The following HPSE2 variants were observed in gnomAD, a reference collection of about 807,000 sequenced individuals.
HPSE2 encodes inactive heparanase-2.
In HPSE2, 38 loss-of-function variants were observed where a neutral mutation model predicts 60.5. The ratio of observed to expected loss-of-function variants is 0.63; its 90% CI spans 0.48 to 0.82. The LOEUF (loss-of-function observed/expected upper bound fraction) is 0.82, where lower values mean the gene tolerates loss of function less well. Ranked by LOEUF, HPSE2 falls within the 40% of genes least tolerant of loss-of-function variation. The probability of loss-of-function intolerance (pLI) is 0.00; values close to 1 mark genes in which losing one functional copy is unlikely to be tolerated. For synonymous variants in HPSE2, 295 were observed against 293.2 expected (o/e 1.01, Z -0.06); for missense variants, 713 against 740.4 (o/e 0.96, Z 0.43).
chr10:98,697,993 G>A (rs1184685109), intron 5 of HPSE2, among the ~76,000 whole-genome samples: 1 of 148,746 alleles, frequency 6.7e-6, no homozygotes, highest in Non-Finnish European at 1.5e-5. Context: ...CATAAAGCAA[G>A]TCCTGAGTGA....
chr10:99,272,763 TA>T, the HPSE2 span, among the ~76,000 whole-genome samples: 2 of 151,364 alleles, frequency 1.3e-5, no homozygotes, highest in African/African-American at 4.9e-5. Flanking sequence ...TAAAAAAAAA[TA>T]AAAAAATAAT....
chr10:99,022,871 G>A (rs1957293955), intron 3 of HPSE2, among the ~76,000 whole-genome samples: 1 of 152,158 alleles, frequency 6.6e-6, no homozygotes, highest in African/African-American at 2.4e-5. Context: ...CAAGGGCCTT[G>A]GGTGAGCCTC....
At chr10:98,951,596 C>T (rs1313427576) in intron 3 of HPSE2, among the ~76,000 whole-genome samples, 4 of 152,132 alleles carry the variant, frequency 2.6e-5, no homozygotes, top group Non-Finnish European at 5.9e-5. Context: ...AGATAAACTA[C>T]GTGTGCAGGA....
chr10:99,138,139 A>G (rs573729196), intron 3 of HPSE2, among the ~76,000 whole-genome samples: 1 of 152,356 alleles, frequency 6.6e-6, no homozygotes, highest in African/African-American at 2.4e-5. Context: ...CATATGAAAA[A>G]ATGCTCATCA....
chr10:99,028,635 C>A (rs1244028949), intron 3 of HPSE2, among the ~76,000 whole-genome samples: 1 of 152,020 alleles, frequency 6.6e-6, no homozygotes, highest in East Asian at 1.9e-4. Context: ...AAAAAACAAT[C>A]CTAAAATGTA....
chr10:98,529,688 C>T (rs1452450617), intron 9 of HPSE2, among the ~76,000 whole-genome samples: 3 of 152,324 alleles, frequency 2.0e-5, no homozygotes, highest in South Asian at 4.1e-4. Flanking sequence ...CCTTGTCTCG[C>T]ACTTCAAGCA....
At chr10:99,002,341 G>A (rs1956795724) in intron 3 of HPSE2, among the ~76,000 whole-genome samples, 1 of 152,080 alleles carries the variant, frequency 6.6e-6, no homozygotes, top group Non-Finnish European at 1.5e-5. Flanking sequence ...GCTGCACATA[G>A]TAGTGACTTC....
At chr10:98,578,029 C>A (rs1050773093) in intron 9 of HPSE2, among the ~76,000 whole-genome samples, 7 of 152,162 alleles carry the variant, frequency 4.6e-5, no homozygotes, top group African/African-American at 1.7e-4. Flanking sequence ...CTGTCCTTGA[C>A]ATTTCTTCTT....
At chr10:98,894,730 A>T (rs1047921094) in intron 3 of HPSE2, among the ~76,000 whole-genome samples, 4 of 152,150 alleles carry the variant, frequency 2.6e-5, no homozygotes, top group African/African-American at 7.2e-5. Context: ...AAAAGATATA[A>T]CTAAGAATTT....
At chr10:99,113,206 C>G (rs1381125171) in intron 3 of HPSE2, among the ~76,000 whole-genome samples, 1 of 152,046 alleles carries the variant, frequency 6.6e-6, no homozygotes, top group Admixed American at 6.6e-5. Flanking sequence ...ATTAGCTAAT[C>G]TAATCCTCAT....
chr10:99,122,650 G>T lies in HPSE2; in HGVS notation c.610+21588C>A, dbSNP rs934155212. On this transcript the variant is annotated intron_variant, in intron 3 of 11. Coordinates refer to ENST00000370552, the MANE Select transcript of HPSE2 (RefSeq NM_021828.5). The stretch of plus-strand genomic sequence containing the variant: ...TCTAAATATTGTCAAGTTACCAAGT[G>T]ACACAAAATAACTGAACAAATGGAG... Among the ~76,000 whole-genome samples, 6 of 151,892 alleles carry T rather than the reference G, an allele frequency of 4.0e-5. No homozygotes were observed. In the South Asian group the frequency reaches 1.0e-3, roughly 26 times the overall value.
chr10:98,516,129 T>C (rs966060420), intron 9 of HPSE2, among the ~76,000 whole-genome samples: 1 of 152,240 alleles, frequency 6.6e-6, no homozygotes, highest in East Asian at 1.9e-4. Flanking sequence ...TTCATAACAA[T>C]GTCAGTGAAC....
At chr10:98,696,827 G>A (rs1246104150) in intron 5 of HPSE2, among the ~76,000 whole-genome samples, 1 of 152,168 alleles carries the variant, frequency 6.6e-6, no homozygotes, top group Admixed American at 6.5e-5. Context: ...ACAACTCCAG[G>A]CTGTGCTTTT....
intron 1 of HPSE2, among the ~76,000 whole-genome samples, chr10:99,233,911 G>T (rs1244011596): frequency 6.6e-6 from 1 of 152,174 alleles, no homozygotes; most frequent in Non-Finnish European, 1.5e-5. Flanking sequence ...AATGCGCCCC[G>T]CCAGGACTTC....
At position 98,591,060 on chromosome 10, in the gene HPSE2, C is replaced by G. The variant is rs574231599; in HGVS notation, c.1320+23844G>C. ...TCTGAACAAGCTATAGTAATCTTCC[C>G]TGTACAGTTATACCTATGAGCTATA... On this transcript the variant is annotated intron_variant, in intron 9 of 11. Coordinates refer to ENST00000370552, the MANE Select transcript of HPSE2 (RefSeq NM_021828.5). 3.3e-4 allele frequency among the ~76,000 whole-genome samples: 50 copies of G among 152,002 alleles called. 1 individual carries two copies. Among genetic ancestry groups the G allele is most frequent in the Non-Finnish European group, 5.7e-4 (39 of 68,018 alleles).
intron 5 of HPSE2, among the ~76,000 whole-genome samples, chr10:98,698,513 C>G (rs1408074877): frequency 6.6e-6 from 1 of 151,852 alleles, no homozygotes; most frequent in Non-Finnish European, 1.5e-5. Context: ...AAATTTATAG[C>G]ACTAAATGCC....
chr10:98,619,565 G>A lies in HPSE2; in HGVS notation c.1205+1037C>T, dbSNP rs182825076. ...AGAACAAGGCCTCACTTCCTCTACC[G>A]GGTTTTTAAGACCTTCTGTAATTTG... On this transcript the variant is annotated intron_variant, in intron 8 of 11. Transcript: ENST00000370552. 3.4e-3 allele frequency among the ~76,000 whole-genome samples: 523 copies of A among 152,142 alleles called. 1 individual carries two copies. The highest frequency in any genetic ancestry group is 0.012 in the African/African-American group (493 of 41,498).
chr10:98,588,477 C>A (rs138002158), intron 9 of HPSE2, among the ~76,000 whole-genome samples: 3 of 152,084 alleles, frequency 2.0e-5, no homozygotes. Context: ...AAGACAAGAC[C>A]GAAGTCAGTG....
chr10:98,608,515 C>G (rs1053407565), intron 9 of HPSE2, among the ~76,000 whole-genome samples: 1 of 152,148 alleles, frequency 6.6e-6, no homozygotes, highest in East Asian at 1.9e-4. Context: ...TCAGATAGTG[C>G]AGAGCACAGG....
Sources: gnomAD v4.1 joint callset for allele counts (sites outside exome capture counted in the v4.1 genomes callset) on GRCh38, gnomAD v4.1.1 for gene constraint, MANE v1.5 for transcripts, NCBI Gene and HGNC (gene_info 2026-07-23, HGNC 2026-07-21) for gene names.